Variants in NXPH1 observed in about 807,000 individuals in gnomAD.
The protein encoded by NXPH1 is neurexophilin 1.
Under a neutral mutation model 23.7 loss-of-function variants are expected in NXPH1, and 5 were observed. The observed-to-expected ratio is 0.21, with a 90% CI of 0.11 to 0.44. The LOEUF is 0.44. Among genes scored for constraint, NXPH1 ranks in the 20% least tolerant of loss-of-function variants. The pLI, the probability that NXPH1 is intolerant of heterozygous loss-of-function variation, is 0.99. For missense variants in NXPH1, 324 were observed against 321.6 expected, an observed-to-expected ratio of 1.01 and a Z score of -0.06; for synonymous variants, 144 against 122.2, an observed-to-expected ratio of 1.18 and a Z score of -1.18.
At chr7:8,441,300 G>A (rs1246555848) in intron 2 of NXPH1, among the ~76,000 whole-genome samples, 1 of 152,200 alleles carries the variant, frequency 6.6e-6, no homozygotes, top group Admixed American at 6.5e-5. Flanking sequence ...CGTCGCGTGT[G>A]TGCAGGAAGT....
intron 2 of NXPH1, among the ~76,000 whole-genome samples, chr7:8,458,270 G>A (rs1816634410): frequency 6.6e-6 from 1 of 152,148 alleles, no homozygotes; most frequent in African/African-American, 2.4e-5. Context: ...GACCAGATGA[G>A]GAATTTTCTC....
At chr7:8,655,515 C>G (rs967297838) in intron 2 of NXPH1, among the ~76,000 whole-genome samples, 1 of 151,086 alleles carries the variant, frequency 6.6e-6, no homozygotes, top group Non-Finnish European at 1.5e-5. Flanking sequence ...CACACACACA[C>G]GCACACATGC....
chr7:8,611,182 A>C (rs576908505), intron 2 of NXPH1, among the ~76,000 whole-genome samples: 2 of 152,166 alleles, frequency 1.3e-5, no homozygotes, highest in Non-Finnish European at 2.9e-5. Flanking sequence ...ATTATGATAC[A>C]TGCCATGATC....
chr7:8,637,665 GA>G (rs1211777299), intron 2 of NXPH1, among the ~76,000 whole-genome samples: 1 of 152,120 alleles, frequency 6.6e-6, no homozygotes, highest in East Asian at 1.9e-4. Context: ...TTTTGATTCA[GA>G]AATAAATTTT....
chr7:8,498,815 G>T (rs567966595), intron 2 of NXPH1, among the ~76,000 whole-genome samples: 14 of 152,162 alleles, frequency 9.2e-5, no homozygotes, highest in Admixed American at 9.2e-4. Context: ...AGAGGGATAA[G>T]ATTTAGACCT....
At chr7:8,742,623 T>C (rs1225087529) in intron 2 of NXPH1, among the ~76,000 whole-genome samples, 2 of 147,798 alleles carry the variant, frequency 1.4e-5, no homozygotes, top group Admixed American at 7.0e-5. Context: ...ATGTAAGATA[T>C]TTATATATGA....
chr7:8,443,677 T>C (rs898159556), intron 2 of NXPH1, among the ~76,000 whole-genome samples: 3 of 152,188 alleles, frequency 2.0e-5, no homozygotes, highest in Non-Finnish European at 4.4e-5. Context: ...AATCGATATA[T>C]TTGCTATCGA....
chr7:8,506,921 A>C (rs969610185), intron 2 of NXPH1, among the ~76,000 whole-genome samples: 10 of 152,182 alleles, frequency 6.6e-5, no homozygotes, highest in Admixed American at 5.2e-4. Context: ...GTTTGGTTCC[A>C]ATCCCTGAAG....
At chr7:8,637,141 G>A (rs1285340195) in intron 2 of NXPH1, among the ~76,000 whole-genome samples, 1 of 152,018 alleles carries the variant, frequency 6.6e-6, no homozygotes, top group African/African-American at 2.4e-5. Context: ...AAAATGGCAG[G>A]ACCTTTGTCT....
chr7:8,618,639 G>A (rs1410678419), intron 2 of NXPH1, among the ~76,000 whole-genome samples: 1 of 151,982 alleles, frequency 6.6e-6, no homozygotes, highest in African/African-American at 2.4e-5. Context: ...TAGGAGAAGA[G>A]GTGGAAAAAA....
At chr7:8,670,758 T>A (rs1460584552) in intron 2 of NXPH1, among the ~76,000 whole-genome samples, 1 of 152,270 alleles carries the variant, frequency 6.6e-6, no homozygotes, top group Non-Finnish European at 1.5e-5. Context: ...TTCAGTTACC[T>A]GCATCACAGA....
intron 2 of NXPH1, among the ~76,000 whole-genome samples, chr7:8,488,588 G>A (rs1306204564): frequency 6.6e-6 from 1 of 152,072 alleles, no homozygotes; most frequent in Non-Finnish European, 1.5e-5. Context: ...TTTATTTTGT[G>A]CCTTTTATTC....
intron 2 of NXPH1, among the ~76,000 whole-genome samples, chr7:8,721,930 A>AC (rs1278744603): frequency 6.6e-6 from 1 of 152,166 alleles, no homozygotes; most frequent in Admixed American, 6.5e-5. Flanking sequence ...TAATTTCACC[A>AC]CCCCCATGGC....
intron 2 of NXPH1, among the ~76,000 whole-genome samples, chr7:8,663,472 C>T (rs973187301): frequency 2.6e-5 from 4 of 152,094 alleles, no homozygotes; most frequent in Non-Finnish European, 5.9e-5. Context: ...AAAATCCTTG[C>T]GGCATTTTCA....
At chr7:8,718,446 ACT>A (rs768493352) in intron 2 of NXPH1, among the ~76,000 whole-genome samples, 13 of 152,156 alleles carry the variant, frequency 8.5e-5, no homozygotes, top group Admixed American at 2.0e-4. Flanking sequence ...TCATCTGAAA[ACT>A]CTGTTAGACA....
intron 2 of NXPH1, among the ~76,000 whole-genome samples, chr7:8,461,954 ATAT>A: frequency 6.6e-6 from 1 of 152,204 alleles, no homozygotes; most frequent in East Asian, 1.9e-4. Flanking sequence ...TATATGTAGT[ATAT>A]TATTTTTATA....
At chr7:8,448,541 G>T (rs1296583530) in intron 2 of NXPH1, among the ~76,000 whole-genome samples, 1 of 152,210 alleles carries the variant, frequency 6.6e-6, no homozygotes, top group African/African-American at 2.4e-5. Flanking sequence ...ATTTGGCTGG[G>T]TGCGGTGACT....
intron 2 of NXPH1, among the ~76,000 whole-genome samples, chr7:8,490,409 T>C: frequency 6.8e-6 from 1 of 146,294 alleles, no homozygotes; most frequent in East Asian, 1.9e-4. Context: ...ATACACAGGC[T>C]GTTTTTTTTT....
Position 8,520,808 on chromosome 7 carries a change from C to T in NXPH1, c.54+85041C>T, listed in dbSNP as rs181065860. Among the ~76,000 whole-genome samples the T allele has an allele frequency of 4.8e-3, 728 of 152,198 alleles. 4 individuals carry two copies. Among genetic ancestry groups the T allele is most frequent in the Non-Finnish European group, 6.6e-3 (450 of 68,000 alleles). On this transcript the variant is annotated intron_variant, in intron 2 of 2. Transcript: ENST00000405863. ...ATTGTATCATAAACATATTTCATGC[C>T]GGGTTTTGTCACTTCATTTTCTCTT...
Sources: gnomAD v4.1 joint callset for allele counts (sites outside exome capture counted in the v4.1 genomes callset) on GRCh38, gnomAD v4.1.1 for gene constraint, MANE v1.5 for transcripts, NCBI Gene and HGNC (gene_info 2026-07-23, HGNC 2026-07-21) for gene names.